SLCO4C1: variants seen among roughly 807,000 people sequenced by gnomAD.
SLCO4C1 encodes the protein organic anion transporter M1.
SLCO4C1 carries 58 observed loss-of-function variants against 72.1 expected under a neutral mutation model. That is an observed-to-expected ratio of 0.80 (90% CI 0.65 to 1.00). The LOEUF (loss-of-function observed/expected upper bound fraction) is 1.00. SLCO4C1 is among the 50% of genes least tolerant of loss of function. The pLI, the probability that SLCO4C1 is intolerant of heterozygous loss-of-function variation, is 0.00. For missense variants in SLCO4C1, 898 were observed against 857.9 expected (o/e 1.05, Z -0.58); for synonymous variants, 297 against 312.5 (o/e 0.95, Z 0.52).
chr5:102,242,320 C>T (rs1310613460), intron 10 of SLCO4C1, among the ~76,000 whole-genome samples: 3 of 152,190 alleles, frequency 2.0e-5, no homozygotes, highest in Non-Finnish European at 4.4e-5. Context: ...GGCTCAAAGA[C>T]AGTGGACTGG....
In SLCO4C1 at chr5:102,257,206, T is replaced by G; in HGVS notation, c.1378A>C (p.Thr460Pro). ...CKNTMKFALFTSGVALTLSFV... is the reference protein window; with the variant it reads ...CKNTMKFALFPSGVALTLSFV... ...CTCAGCGTAAGTGCAACTCCAGATG[T>G]GAACAGTGCAAACTTCATTGTGTTT... The change falls in exon 8 of 13, where the codon ACA (threonine) becomes CCA (proline). Residue 460 changes from threonine (T) to proline (P), a missense_variant. By Grantham distance (38) the Thr-to-Pro change is conservative. Coordinates refer to ENST00000310954, the MANE Select transcript of SLCO4C1 (RefSeq NM_180991.5). 2 of 1,611,078 alleles carry G rather than the reference T, an allele frequency of 1.2e-6. No individual in the cohort carries two copies. Among genetic ancestry groups the G allele is most frequent in the Non-Finnish European group, 1.7e-6 (2 of 1,178,880 alleles).
chr5:102,247,774 AG>A lies in SLCO4C1; in HGVS notation c.1621-333del, dbSNP rs774411662. Among the ~76,000 whole-genome samples the A allele has an allele frequency of 3.3e-5, 5 of 152,124 alleles. No individual in the cohort carries two copies. In the East Asian group the frequency reaches 5.8e-4, roughly 18 times the overall value. ...TCTTTCAACAGTAATTATTTCTTAA[AG>A]TCATTTTACATCTCAACTCCATCCT... On this transcript the variant is annotated intron_variant, in intron 9 of 12. Transcript: ENST00000310954.
At chr5:102,242,832 T>C (rs1038615397) in intron 10 of SLCO4C1, among the ~76,000 whole-genome samples, 1 of 152,114 alleles carries the variant, frequency 6.6e-6, no homozygotes, top group African/African-American at 2.4e-5. Flanking sequence ...GAGGGAAAAG[T>C]AAAGGGGACT....
chr5:102,234,532 T>C lies in SLCO4C1; in HGVS notation c.*2326A>G, dbSNP rs3811976. ...ATAAAACTGAGTATATAAAATACAA[T>C]GCAGCCCTTGATAGCTAAGAATCTT... On this transcript the variant is annotated 3_prime_UTR_variant, in exon 13 of 13. Transcript: ENST00000310954. 0.088 allele frequency: 13,459 copies of C among 152,546 alleles called. 637 individuals are homozygous for C. Among genetic ancestry groups the C allele is most frequent in the African/African-American group, 0.11 (4,378 of 41,560 alleles). 9.4% of individuals were successfully genotyped at this position (152,546 alleles called of 1,614,324 possible).
At chr5:102,286,175 A>T (rs1749449044) in intron 2 of SLCO4C1, among the ~76,000 whole-genome samples, 1 of 152,146 alleles carries the variant, frequency 6.6e-6, no homozygotes, top group African/African-American at 2.4e-5. Context: ...GCTACAGCTA[A>T]TGTGAATTTT....
intron 2 of SLCO4C1, among the ~76,000 whole-genome samples, chr5:102,290,333 C>T (rs1487158868): frequency 2.0e-5 from 3 of 152,184 alleles, no homozygotes; most frequent in African/African-American, 7.2e-5. Context: ...GGCGTGAGCC[C>T]CCACGCCTAG....
intron 7 of SLCO4C1, 35 bp from the exon 8 acceptor site, chr5:102,257,345 C>G: frequency 6.6e-7 from 1 of 1,516,432 alleles, no homozygotes; most frequent in Non-Finnish European, 8.9e-7. Context: ...TGTGAGAAAC[C>G]ATACACATAT....
At position 102,260,330 on chromosome 5, in the gene SLCO4C1, A is replaced by AAAT; in HGVS notation, c.1022-12_1022-11insATT. On this transcript the variant is annotated splice_polypyrimidine_tract_variant and intron_variant, in intron 5 of 12. Transcript: ENST00000310954. ...GAATTTCTGCTGTACCTAAAAAAAA[A>AAAT]ATATATATATATATATAATATATAT... The AAAT allele has an allele frequency of 2.0e-5, 1 of 49,586 alleles. No homozygotes were observed. Among genetic ancestry groups the AAAT allele is most frequent in the Non-Finnish European group, 3.4e-5 (1 of 29,678 alleles). The allele number at this position is 49,586 out of a possible 1,614,324, so 3.1% of individuals were successfully genotyped here.
intron 2 of SLCO4C1, among the ~76,000 whole-genome samples, chr5:102,275,518 A>T (rs2112382638): frequency 6.6e-6 from 1 of 152,310 alleles, no homozygotes; most frequent in African/African-American, 2.4e-5. Flanking sequence ...AGGCCAGGAA[A>T]CTATGACATG....
At chr5:102,248,260 T>C (rs1440335576) in intron 9 of SLCO4C1, among the ~76,000 whole-genome samples, 2 of 152,112 alleles carry the variant, frequency 1.3e-5, no homozygotes, top group Non-Finnish European at 2.9e-5. Flanking sequence ...GTATTATAAA[T>C]GTATATTGCC....
intron 3 of SLCO4C1, among the ~76,000 whole-genome samples, chr5:102,268,617 A>ATGATTGTTTTATAT (rs1749090375): frequency 6.6e-6 from 1 of 152,050 alleles, no homozygotes; most frequent in Admixed American, 6.6e-5. Flanking sequence ...ATCATTGATA[A>ATGATTGTTTTATAT]TTGTTTTCTG....
intron 1 of SLCO4C1, among the ~76,000 whole-genome samples, chr5:102,294,201 G>A (rs1749606064): frequency 6.6e-6 from 1 of 152,112 alleles, no homozygotes; most frequent in East Asian, 1.9e-4. Flanking sequence ...GAGCCACGGC[G>A]CCCGGCCATA....
rs767623707 is a variant in SLCO4C1 at position 102,270,819 on chromosome 5, A to AC, written c.620-14_620-13insG. 30 of 1,545,472 alleles carry AC rather than the reference A, an allele frequency of 1.9e-5. No individual in the cohort carries two copies. The highest frequency in any genetic ancestry group is 2.6e-5 in the Non-Finnish European group (30 of 1,148,398). ...GTTACACAAGTGTCTTTGTGGAAAAAAAAATTGTGAATTTATAGAAATTCA... is the reference window on the plus strand; with the variant it reads ...GTTACACAAGTGTCTTTGTGGAAAAACAAAATTGTGAATTTATAGAAATTCA... On this transcript the variant is annotated splice_polypyrimidine_tract_variant and intron_variant, in intron 2 of 12. Transcript: ENST00000310954.
At position 102,270,805 on chromosome 5, in the gene SLCO4C1, G is replaced by T; in HGVS notation, c.621C>A (p.Asp207Glu). 2 of 1,483,084 alleles carry T rather than the reference G, an allele frequency of 1.3e-6. No homozygotes were observed. Among genetic ancestry groups the T allele is most frequent in the South Asian group, 1.3e-5 (1 of 79,206 alleles). The allele number at this position is 1,483,084 out of a possible 1,614,324, so 91.9% of individuals were successfully genotyped here. The change falls in exon 3 of 13, where the codon GAC (aspartate) becomes GAA (glutamate). Residue 207 changes from aspartate to glutamate, a missense_variant and splice_region_variant. Physicochemically the swap from Asp to Glu is conservative, Grantham distance 45. Coordinates refer to ENST00000310954, the MANE Select transcript of SLCO4C1 (RefSeq NM_180991.5). ...TGCTATTCCTTGTTGTTACACAAGT[G>T]TCTTTGTGGAAAAAAAAATTGTGAA... Reference protein sequence around the residue: ...GEYKLGSLFEDTCVTTRNSTS... With the variant: ...GEYKLGSLFEETCVTTRNSTS...
chr5:102,258,687 A>C (rs1337171804), intron 6 of SLCO4C1, among the ~76,000 whole-genome samples: 1 of 151,986 alleles, frequency 6.6e-6, no homozygotes, highest in Non-Finnish European at 1.5e-5. Context: ...ACAAAATGAA[A>C]ACCAAATTAT....
In SLCO4C1 at chr5:102,247,388, C is replaced by T; in HGVS notation, c.1675G>A (p.Glu559Lys). The change falls in exon 10 of 13, where the codon GAA becomes AAA. Residue 559 changes from glutamate (E) to lysine (K), a missense_variant. Coordinates refer to ENST00000310954, the MANE Select transcript of SLCO4C1 (RefSeq NM_180991.5). ...GCTTTAGCTTCAAAACCAAAAGTTT[C>T]TGCAGTGGATGTTATTTCTGTTTTC... is the stretch of plus-strand genomic sequence containing the variant. ...ERKTEITSTA[E>K]TFGFEAKAGK... 1 of 1,594,902 alleles carries T rather than the reference C, an allele frequency of 6.3e-7. No homozygotes were observed. Among genetic ancestry groups the T allele is most frequent in the Non-Finnish European group, 8.6e-7 (1 of 1,165,402 alleles).
chr5:102,270,674 G>A lies in SLCO4C1; in HGVS notation c.752C>T (p.Thr251Ile). The change falls in exon 3 of 13, where the codon ACA becomes ATA. Residue 251 changes from threonine (T) to isoleucine (I), a missense_variant. By Grantham distance (89) the Thr-to-Ile change is moderately conservative (BLOSUM62 -1). Transcript: ENST00000310954. Reference protein sequence around the residue: ...AGGTPLYTLGTAFLDDSVPTH... With the variant: ...AGGTPLYTLGIAFLDDSVPTH... ...GGGCACAGAATCATCAAGAAAGGCT[G>A]TTCCCAGAGTATAAAGAGGAGTTCC... The A allele has an allele frequency of 6.2e-7, 1 of 1,613,062 alleles. No homozygotes were observed. The highest frequency in any genetic ancestry group is 1.1e-5 in the South Asian group (1 of 90,992).
chr5:102,263,748 C>T lies in SLCO4C1; in HGVS notation c.835G>A (p.Ala279Thr). 1.2e-6 allele frequency: 2 copies of T among 1,612,828 alleles called. No individual in the cohort carries two copies. Among genetic ancestry groups the T allele is most frequent in the African/African-American group, 2.7e-5 (2 of 74,968 alleles). Residue 279 changes from alanine (A) to threonine (T), a missense_variant, in exon 4 of 13, where the codon GCT (alanine) becomes ACT (threonine). Transcript: ENST00000310954. ...TGYAMSILGPAIGYVLGGQLL... is the reference protein window; with the variant it reads ...TGYAMSILGPTIGYVLGGQLL... Reference sequence around the variant, plus strand: ...TGTCCTCCCAATACATAGCCAATAGCAGGGCCTAAGATTGACATAGCATAA... The same window carrying T: ...TGTCCTCCCAATACATAGCCAATAGTAGGGCCTAAGATTGACATAGCATAA...
At chr5:102,243,834 T>C (rs1012131238) in intron 10 of SLCO4C1, among the ~76,000 whole-genome samples, 3 of 152,068 alleles carry the variant, frequency 2.0e-5, no homozygotes, top group African/African-American at 7.2e-5. Flanking sequence ...CTCAAATAAA[T>C]TCAAAAAACA....
Sources: gnomAD v4.1 joint callset for allele counts (sites outside exome capture counted in the v4.1 genomes callset) on GRCh38, gnomAD v4.1.1 for gene constraint, MANE v1.5 for transcripts, NCBI Gene and HGNC (gene_info 2026-07-23, HGNC 2026-07-21) for gene names.